Variants in UBE3C observed in about 807,000 individuals in gnomAD.
UBE3C encodes ubiquitin-protein ligase E3C.
Under a neutral mutation model 129.4 loss-of-function variants are expected in UBE3C, and 42 were observed. That is an observed-to-expected ratio of 0.32 (90% CI 0.25 to 0.42). The LOEUF (loss-of-function observed/expected upper bound fraction) is 0.42, where lower values mean the gene tolerates loss of function less well. Among genes scored for constraint, UBE3C ranks in the 10% least tolerant of loss-of-function variants. UBE3C has a pLI of 1.00. For synonymous variants in UBE3C, 510 were observed against 492.4 expected (o/e 1.04, Z -0.47); for missense variants, 1,049 against 1,319.1 (o/e 0.80, Z 3.17).
At chr7:157,231,447 A>G in intron 18 of UBE3C, 120 bp downstream of exon 18, 1 of 1,461,482 alleles carries the variant, frequency 6.8e-7, no homozygotes, top group Non-Finnish European at 9.2e-7. Flanking sequence ...TTGGATGCTA[A>G]ATGTTGCAAA....
At chr7:157,139,625 C>T (rs1371797943) in intron 1 of UBE3C, among the ~76,000 whole-genome samples, 2 of 152,360 alleles carry the variant, frequency 1.3e-5, no homozygotes, top group Admixed American at 6.5e-5. Flanking sequence ...CCGTGGGGGC[C>T]TTGCCTGTCC....
chr7:157,158,240 A>G (rs138418204), intron 1 of UBE3C, among the ~76,000 whole-genome samples: 167 of 152,068 alleles, frequency 1.1e-3, no homozygotes, highest in Admixed American at 2.8e-3. Flanking sequence ...CAAAGGAAAC[A>G]CAAATATAAT....
intron 17 of UBE3C, among the ~76,000 whole-genome samples, chr7:157,228,580 A>C (rs62491932): frequency 0.065 from 9,880 of 152,286 alleles, 463 homozygotes; most frequent in Non-Finnish European, 0.098. Context: ...AAGCAGAGGA[A>C]ATTTATTCCA....
chr7:157,193,958 T>C (rs1461971120), intron 10 of UBE3C, among the ~76,000 whole-genome samples: 1 of 152,204 alleles, frequency 6.6e-6, no homozygotes. Context: ...TTTACAAAAA[T>C]GGCAGTTGTT....
chr7:157,169,270 G>A, intron 3 of UBE3C, 148 bp downstream of exon 3: 1 of 548,778 alleles, frequency 1.8e-6, no homozygotes, highest in Non-Finnish European at 3.0e-6. Flanking sequence ...TTATTGTGAA[G>A]ATTTATAGAT....
intron 18 of UBE3C, among the ~76,000 whole-genome samples, chr7:157,242,514 G>GTTGTTTTTTT (rs776094182): frequency 1.8e-5 from 2 of 112,112 alleles, no homozygotes; most frequent in African/African-American, 3.6e-5. Context: ...AGCCTGAGTT[G>GTTGTTTTTTT]TTTTTTTTTT....
chr7:157,159,485 G>T (rs1808009583), intron 1 of UBE3C, among the ~76,000 whole-genome samples: 1 of 152,178 alleles, frequency 6.6e-6, no homozygotes, highest in Non-Finnish European at 1.5e-5. Context: ...ACTGTGGATG[G>T]TTTCTTGAAG....
intron 10 of UBE3C, among the ~76,000 whole-genome samples, chr7:157,193,772 A>T (rs186905401): frequency 6.6e-6 from 1 of 151,438 alleles, no homozygotes; most frequent in African/African-American, 2.4e-5. Context: ...TTGTCTGTTC[A>T]TTGTGACATC....
chr7:157,230,626 C>T (rs1411660178), intron 17 of UBE3C, among the ~76,000 whole-genome samples: 1 of 144,304 alleles, frequency 6.9e-6, no homozygotes, highest in Non-Finnish European at 1.5e-5. Flanking sequence ...ACCCGGGAGG[C>T]GGAGGTTGCA....
intron 4 of UBE3C, among the ~76,000 whole-genome samples, chr7:157,171,276 T>TA (rs1327377716): frequency 1.3e-5 from 2 of 151,920 alleles, no homozygotes; most frequent in Non-Finnish European, 2.9e-5. Context: ...ACAGGCGTGT[T>TA]ACCAACATGC....
chr7:157,248,391 G>A lies in UBE3C; in HGVS notation c.2505G>A (p.Val835=), dbSNP rs369748919. ...AGGCTCTCTATGAGAACATGCTGGT[G>A]GAGCTGCCCTTTGCAGGCTTCTTTC... ...LGKALYENML[V]ELPFAGFFLS... is the part of the protein sequence containing the mutation. The change falls in exon 19 of 23, where the codon GTG becomes GTA. Residue 835 remains valine, a synonymous_variant. Transcript: ENST00000348165. 3.7e-6 allele frequency: 6 copies of A among 1,613,572 alleles called. No individual in the cohort carries two copies. The African/African-American group carries it at 8.0e-5, about 22-fold the overall frequency.
At chr7:157,244,041 G>A (rs1381201915) in intron 18 of UBE3C, among the ~76,000 whole-genome samples, 4 of 152,106 alleles carry the variant, frequency 2.6e-5, no homozygotes, top group Admixed American at 2.0e-4. Context: ...GACAATCCTG[G>A]CCAACGTGGG....
intron 16 of UBE3C, among the ~76,000 whole-genome samples, chr7:157,224,442 C>T (rs1307804753): frequency 6.6e-6 from 1 of 152,124 alleles, no homozygotes; most frequent in Admixed American, 6.5e-5. Context: ...GATCTGCCTG[C>T]CCCAGCCTCC....
chr7:157,267,555 G>T, intron 22 of UBE3C, 30 bp from the exon 23 acceptor site: 1 of 1,611,218 alleles, frequency 6.2e-7, no homozygotes, highest in Non-Finnish European at 8.5e-7. Flanking sequence ...GCTTGTTACA[G>T]TGACATCTTG....
At chr7:157,143,254 G>T (rs1807508183) in intron 1 of UBE3C, among the ~76,000 whole-genome samples, 1 of 152,124 alleles carries the variant, frequency 6.6e-6, no homozygotes, top group Admixed American at 6.5e-5. Flanking sequence ...CAGTTTAATT[G>T]GGGGTATGTT....
chr7:157,191,384 A>G (rs1035966956), intron 10 of UBE3C, among the ~76,000 whole-genome samples: 1 of 152,196 alleles, frequency 6.6e-6, no homozygotes, highest in African/African-American at 2.4e-5. Flanking sequence ...CCCGCCTCCC[A>G]GGCTCAGGTG....
At chr7:157,153,994 C>T (rs972634151) in intron 1 of UBE3C, among the ~76,000 whole-genome samples, 1 of 140,176 alleles carries the variant, frequency 7.1e-6, no homozygotes, top group Admixed American at 7.5e-5. Context: ...GAGGCCCTGT[C>T]TGGGGGGGGA....
intron 4 of UBE3C, among the ~76,000 whole-genome samples, chr7:157,171,733 G>T (rs1437411604): frequency 3.5e-5 from 3 of 85,718 alleles, no homozygotes; most frequent in African/African-American, 7.7e-5. Flanking sequence ...TTGAGACAGA[G>T]TCTTGCTCTG....
At chr7:157,208,594 A>G (rs781497557) in intron 13 of UBE3C, among the ~76,000 whole-genome samples, 1 of 152,212 alleles carries the variant, frequency 6.6e-6, no homozygotes, top group Non-Finnish European at 1.5e-5. Context: ...TTTTCACTAA[A>G]TATTTCTTAG....
Sources: gnomAD v4.1 joint callset for allele counts (sites outside exome capture counted in the v4.1 genomes callset) on GRCh38, gnomAD v4.1.1 for gene constraint, MANE v1.5 for transcripts, NCBI Gene and HGNC (gene_info 2026-07-23, HGNC 2026-07-21) for gene names.